ANK2: variants seen among roughly 807,000 people sequenced by gnomAD.
ANK2 encodes ankyrin 2, also known as ankyrin-2.
ANK2 carries 83 observed loss-of-function variants against 360.5 expected under a neutral mutation model. The ratio of observed to expected loss-of-function variants is 0.23; its 90% CI spans 0.19 to 0.28. The LOEUF (loss-of-function observed/expected upper bound fraction) is 0.28, where lower values mean the gene tolerates loss of function less well. ANK2 is among the 10% of genes least tolerant of loss of function. ANK2 has a pLI of 1.00. For synonymous variants in ANK2, 1,740 were observed against 1,759.5 expected, an observed-to-expected ratio of 0.99 and a Z score of 0.28; for missense variants, 4,201 against 4,795.7, an observed-to-expected ratio of 0.88 and a Z score of 3.66.
intron 1 of ANK2, among the ~76,000 whole-genome samples, chr4:112,898,315 C>T (rs764032011): frequency 2.6e-5 from 4 of 152,218 alleles, no homozygotes; most frequent in South Asian, 4.1e-4. Flanking sequence ...TTTATATAGT[C>T]GTGTCTTATT....
chr4:112,706,565 C>T, the ANK2 span: 1 of 152,460 alleles, frequency 6.6e-6, no homozygotes, highest in Admixed American at 6.5e-5. Context: ...TGACCCACTG[C>T]AGAGCTATAC....
At chr4:113,085,711 C>T (rs1198244203) in intron 1 of ANK2, among the ~76,000 whole-genome samples, 1 of 152,068 alleles carries the variant, frequency 6.6e-6, no homozygotes, top group African/African-American at 2.4e-5. Flanking sequence ...ATTTGAAGGG[C>T]CTGTTAGAGA....
chr4:113,156,544 G>A (rs2097305863), intron 1 of ANK2, among the ~76,000 whole-genome samples: 1 of 151,324 alleles, frequency 6.6e-6, no homozygotes, highest in Non-Finnish European at 1.5e-5. Context: ...ATAATTTTCT[G>A]TATATTTAGT....
chr4:113,040,694 A>G (rs1561652667), intron 2 of ANK2, among the ~76,000 whole-genome samples: 1 of 152,066 alleles, frequency 6.6e-6, no homozygotes, highest in Admixed American at 6.6e-5. Flanking sequence ...ATTTCAAATC[A>G]TAGCAGGTAA....
At chr4:113,029,715 C>T (rs1002170234) in intron 2 of ANK2, among the ~76,000 whole-genome samples, 1 of 152,042 alleles carries the variant, frequency 6.6e-6, no homozygotes, top group East Asian at 1.9e-4. Context: ...TTCGTCTCTT[C>T]TTGTTCTTGC....
At chr4:113,118,290 C>G (rs1454381475) in intron 1 of ANK2, among the ~76,000 whole-genome samples, 1 of 152,168 alleles carries the variant, frequency 6.6e-6, no homozygotes, top group Non-Finnish European at 1.5e-5. Flanking sequence ...TGGCTTATTA[C>G]ATTAGCAGAG....
chr4:113,012,924 A>G (rs751059733), intron 2 of ANK2, among the ~76,000 whole-genome samples: 3 of 152,154 alleles, frequency 2.0e-5, no homozygotes, highest in Non-Finnish European at 4.4e-5. Flanking sequence ...TATTTTAGAA[A>G]TTGGAATGTC....
intron 1 of ANK2, chr4:112,826,414 C>T: frequency 9.7e-7 from 1 of 1,030,356 alleles, no homozygotes; most frequent in Non-Finnish European, 1.5e-6. Context: ...GTAACACTTT[C>T]CCTACCAGCA....
intron 1 of ANK2, among the ~76,000 whole-genome samples, chr4:112,878,859 G>A (rs1366425571): frequency 2.6e-5 from 4 of 151,904 alleles, no homozygotes; most frequent in Non-Finnish European, 1.5e-5. Flanking sequence ...TCCTGACCTC[G>A]TGATCTGCCC....
the ANK2 span, among the ~76,000 whole-genome samples, chr4:112,718,720 C>T: frequency 3.3e-5 from 5 of 152,348 alleles, no homozygotes; most frequent in South Asian, 1.0e-3. Context: ...TCACTGCAAC[C>T]TCTGCCTCCC....
chr4:113,363,240 C>A, intron 39 of ANK2, 98 bp from the exon 40 acceptor site: 2 of 1,230,050 alleles, frequency 1.6e-6, no homozygotes, highest in Non-Finnish European at 2.3e-6. Flanking sequence ...ATACTCACCA[C>A]AATATAAAGA....
At chr4:112,926,748 C>A (rs2092606136) in intron 2 of ANK2, among the ~76,000 whole-genome samples, 1 of 152,160 alleles carries the variant, frequency 6.6e-6, no homozygotes, top group African/African-American at 2.4e-5. Flanking sequence ...GAAAAGTAAT[C>A]CCAAACATTA....
chr4:112,712,109 G>C, the ANK2 span, among the ~76,000 whole-genome samples: 1 of 149,502 alleles, frequency 6.7e-6, no homozygotes, highest in African/African-American at 2.4e-5. Context: ...TTGAGACAGA[G>C]TCTCACTTCG....
Position 113,317,691 on chromosome 4 carries a change from C to T in ANK2, c.2694-16C>T, listed in dbSNP as rs2083649199. The stretch of plus-strand genomic sequence containing the variant: ...CTGCTGTTGGTATATGCCATGGCCT[C>T]CTGCCAACCTACCAGCCTTCGATCC... On this transcript the variant is annotated splice_polypyrimidine_tract_variant and intron_variant, in intron 24 of 45. Transcript: ENST00000357077. The T allele has an allele frequency of 6.2e-7, 1 of 1,605,466 alleles. No individual in the cohort carries two copies. The highest frequency in any genetic ancestry group is 8.5e-7 in the Non-Finnish European group (1 of 1,172,610).
At chr4:112,779,816 C>T in the ANK2 span, among the ~76,000 whole-genome samples, 1 of 152,210 alleles carries the variant, frequency 6.6e-6, no homozygotes. Flanking sequence ...TAGAGCCTGA[C>T]ATTCTGGTTT....
intron 1 of ANK2, among the ~76,000 whole-genome samples, chr4:113,108,866 T>G (rs1436980035): frequency 1.3e-5 from 2 of 152,220 alleles, no homozygotes; most frequent in South Asian, 2.1e-4. Flanking sequence ...AGAAAAATGT[T>G]ATTTGAATTC....
intron 1 of ANK2, among the ~76,000 whole-genome samples, chr4:113,134,899 T>G (rs2096297234): frequency 3.3e-5 from 5 of 152,174 alleles, no homozygotes; most frequent in South Asian, 4.1e-4. Context: ...CCATAGAAAC[T>G]TAAAAATTGG....
chr4:113,327,754 A>G (rs566866451), intron 26 of ANK2, among the ~76,000 whole-genome samples: 1 of 152,306 alleles, frequency 6.6e-6, no homozygotes, highest in African/African-American at 2.4e-5. Flanking sequence ...TGGGGCTTAC[A>G]CCATGTACTT....
the ANK2 span, among the ~76,000 whole-genome samples, chr4:112,799,836 T>C: frequency 6.6e-6 from 1 of 151,200 alleles, no homozygotes; most frequent in Non-Finnish European, 1.5e-5. Flanking sequence ...TTTTTTTTTT[T>C]TTTTTTGTAA....
Sources: gnomAD v4.1 joint callset for allele counts (sites outside exome capture counted in the v4.1 genomes callset) on GRCh38, gnomAD v4.1.1 for gene constraint, MANE v1.5 for transcripts, NCBI Gene and HGNC (gene_info 2026-07-23, HGNC 2026-07-21) for gene names.